RNLS: variants seen among roughly 807,000 people sequenced by gnomAD.
RNLS encodes renalase, FAD dependent amine oxidase, also known as renalase.
A neutral mutation model predicts 39.8 loss-of-function variants in RNLS; 39 were observed. That is an observed-to-expected ratio of 0.98 (90% CI 0.76 to 1.28). The LOEUF is 1.28. RNLS is among the 50% of genes most tolerant of loss of function. The pLI is 0.00. For synonymous variants in RNLS, 147 were observed against 150.7 expected (o/e 0.98, Z 0.18); for missense variants, 410 against 413.3 (o/e 0.99, Z 0.07).
At chr10:88,202,775 G>A in the RNLS span, among the ~76,000 whole-genome samples, 1 of 152,284 alleles carries the variant, frequency 6.6e-6, no homozygotes, top group East Asian at 1.9e-4. Context: ...GGGCGCCCTG[G>A]TCCCTCAGAT....
chr10:88,379,431 A>AT (rs11305759), intron 4 of RNLS, among the ~76,000 whole-genome samples: 2 of 151,538 alleles, frequency 1.3e-5, no homozygotes, highest in East Asian at 1.9e-4. Flanking sequence ...ATTTCAAATG[A>AT]TTTTTTTTTT....
chr10:88,208,404 T>G, the RNLS span, among the ~76,000 whole-genome samples: 2 of 151,988 alleles, frequency 1.3e-5, no homozygotes, highest in African/African-American at 4.8e-5. Context: ...AAAGAACATA[T>G]GGAAGATTAA....
chr10:88,382,914 T>C (rs1034778622), intron 4 of RNLS, among the ~76,000 whole-genome samples: 2 of 152,124 alleles, frequency 1.3e-5, no homozygotes, highest in African/African-American at 2.4e-5. Flanking sequence ...TCTTCTAAGA[T>C]GTGTTCCAAT....
chr10:88,536,199 A>C (rs750813411), intron 4 of RNLS, among the ~76,000 whole-genome samples: 2 of 152,140 alleles, frequency 1.3e-5, no homozygotes, highest in African/African-American at 4.8e-5. Flanking sequence ...GAAATACCTA[A>C]TGTTTGGAAA....
At chr10:88,452,349 T>A (rs1842407752) in intron 4 of RNLS, among the ~76,000 whole-genome samples, 1 of 152,202 alleles carries the variant, frequency 6.6e-6, no homozygotes, top group Admixed American at 6.5e-5. Context: ...TACACATAAA[T>A]GGGATCCATT....
intron 4 of RNLS, among the ~76,000 whole-genome samples, chr10:88,388,632 C>T (rs1435649447): frequency 2.0e-5 from 3 of 152,192 alleles, no homozygotes; most frequent in Admixed American, 2.0e-4. Context: ...TCTACACAGA[C>T]AGTCCTACTC....
chr10:88,367,333 T>G (rs1273135282), intron 4 of RNLS, among the ~76,000 whole-genome samples: 1 of 152,118 alleles, frequency 6.6e-6, no homozygotes, highest in Non-Finnish European at 1.5e-5. Context: ...TGGTATATAT[T>G]TTTTGTGTCT....
chr10:88,573,967 C>A (rs1850008853), intron 3 of RNLS, among the ~76,000 whole-genome samples: 1 of 151,996 alleles, frequency 6.6e-6, no homozygotes, highest in Non-Finnish European at 1.5e-5. Context: ...ATGGTGAAAC[C>A]CCATCTCTAC....
At chr10:88,504,664 T>C (rs537874441) in intron 4 of RNLS, among the ~76,000 whole-genome samples, 2 of 152,206 alleles carry the variant, frequency 1.3e-5, no homozygotes, top group South Asian at 2.1e-4. Context: ...ACAAAAATGA[T>C]AATTAAAGGA....
chr10:88,418,010 A>G (rs891880515), intron 4 of RNLS, among the ~76,000 whole-genome samples: 3 of 152,082 alleles, frequency 2.0e-5, no homozygotes, highest in African/African-American at 7.2e-5. Flanking sequence ...AAATATTCAC[A>G]TAAAATGAAG....
chr10:88,533,481 T>C (rs1434823999), intron 4 of RNLS, among the ~76,000 whole-genome samples: 1 of 152,114 alleles, frequency 6.6e-6, no homozygotes, highest in Non-Finnish European at 1.5e-5. Flanking sequence ...TCAGTTGAAA[T>C]CAGATTTTTA....
At position 88,556,862 on chromosome 10, in the gene RNLS, A is replaced by G. The variant is rs182731672; in HGVS notation, c.526+16041T>C. Among the ~76,000 whole-genome samples, 9 of 152,234 alleles carry G rather than the reference A, an allele frequency of 5.9e-5. No individual in the cohort carries two copies. The East Asian group carries it at 1.7e-3, about 29-fold the overall frequency. The stretch of plus-strand genomic sequence containing the variant: ...CTCCTATCTTGTTTTCTCTTCCCTC[A>G]GCATGTACCATCATTTCACATAGAT... On this transcript the variant is annotated intron_variant, in intron 4 of 6. Coordinates refer to ENST00000331772, the MANE Select transcript of RNLS (RefSeq NM_001031709.3).
At chr10:88,391,530 C>T (rs531261707) in intron 4 of RNLS, among the ~76,000 whole-genome samples, 2 of 152,074 alleles carry the variant, frequency 1.3e-5, no homozygotes, top group East Asian at 3.9e-4. Flanking sequence ...TGCACTCCAG[C>T]CTGGCGACAG....
rs548350999 is a variant in RNLS, at chr10:88,314,694, C to A, written c.701-53G>T. ...CATCTTAAAGTGGGTAGCAGGCAAG[C>A]ATCTCTCAGGATTTCAATTCAGACT... On this transcript the variant is annotated intron_variant, in intron 5 of 6. Transcript: ENST00000331772. 1.9e-5 allele frequency: 29 copies of A among 1,515,436 alleles called. 1 individual carries two copies. In the African/African-American group the frequency reaches 3.7e-4, roughly 19 times the overall value. The allele number at this position is 1,515,436 out of a possible 1,614,324, so 93.9% of individuals were successfully genotyped here. A position where few individuals can be genotyped will look rare whatever the true frequency, so the allele number is the denominator to read the frequency against.
intron 4 of RNLS, among the ~76,000 whole-genome samples, chr10:88,509,838 G>T (rs910212282): frequency 1.1e-4 from 17 of 152,042 alleles, no homozygotes; most frequent in African/African-American, 3.9e-4. Context: ...ATACCAATTG[G>T]TCATATAACC....
chr10:88,334,411 A>G (rs1221140082), intron 5 of RNLS, among the ~76,000 whole-genome samples: 40 of 152,214 alleles, frequency 2.6e-4, no homozygotes, highest in Admixed American at 2.6e-3. Context: ...TACTGTACAG[A>G]TTCAATCCAT....
chr10:88,232,293 AAGGGG>A, the RNLS span, among the ~76,000 whole-genome samples: 1 of 152,156 alleles, frequency 6.6e-6, no homozygotes, highest in Non-Finnish European at 1.5e-5. Flanking sequence ...GGTCTGAGGG[AAGGGG>A]ACCAGAACAA....
chr10:88,578,259 G>A (rs1363211402), intron 3 of RNLS, among the ~76,000 whole-genome samples: 3 of 151,782 alleles, frequency 2.0e-5, no homozygotes, highest in Non-Finnish European at 2.9e-5. Context: ...ATTTCATTAC[G>A]CTCATTTTTT....
intron 4 of RNLS, among the ~76,000 whole-genome samples, chr10:88,497,260 C>T (rs184446186): frequency 2.6e-5 from 4 of 152,076 alleles, no homozygotes; most frequent in African/African-American, 9.6e-5. Context: ...GAGGGGTAGA[C>T]AGAAACAGTG....
Sources: gnomAD v4.1 joint callset for allele counts (sites outside exome capture counted in the v4.1 genomes callset) on GRCh38, gnomAD v4.1.1 for gene constraint, MANE v1.5 for transcripts, NCBI Gene and HGNC (gene_info 2026-07-23, HGNC 2026-07-21) for gene names.